TRPM3: variants seen among roughly 807,000 people sequenced by gnomAD.
TRPM3 encodes transient receptor potential cation channel subfamily M member 3.
TRPM3 carries 77 observed loss-of-function variants against 181.2 expected under a neutral mutation model. The ratio of observed to expected loss-of-function variants is 0.42; its 90% CI spans 0.35 to 0.51. The LOEUF (loss-of-function observed/expected upper bound fraction) is 0.51, where lower values mean the gene tolerates loss of function less well. TRPM3 is among the 20% of genes least tolerant of loss of function. The pLI is 0.01. For synonymous variants in TRPM3, 745 were observed against 796.4 expected, an observed-to-expected ratio of 0.94 and a Z score of 1.09; for missense variants, 1,759 against 2,196.7, an observed-to-expected ratio of 0.80 and a Z score of 3.98.
At chr9:70,795,620 G>A (rs559886745) in intron 6 of TRPM3, among the ~76,000 whole-genome samples, 149 of 152,232 alleles carry the variant, frequency 9.8e-4, no homozygotes, top group African/African-American at 3.4e-3. Flanking sequence ...ATCACGCCCC[G>A]AACGTCTTCC....
At chr9:71,058,091 T>G (rs2060874165) in intron 1 of TRPM3, among the ~76,000 whole-genome samples, 1 of 152,018 alleles carries the variant, frequency 6.6e-6, no homozygotes, top group African/African-American at 2.4e-5. Flanking sequence ...TGCTACCACT[T>G]CAGCAACAGA....
intron 6 of TRPM3, among the ~76,000 whole-genome samples, chr9:70,789,057 CTCTT>C (rs1045682302): frequency 6.6e-6 from 1 of 152,284 alleles, no homozygotes; most frequent in Non-Finnish European, 1.5e-5. Flanking sequence ...CTCCATTCTC[CTCTT>C]TCTTTCTTGT....
Position 70,681,201 on chromosome 9 carries a change from T to C in TRPM3, c.1345+305A>G, listed in dbSNP as rs150716080. Among the ~76,000 whole-genome samples, 361 of 152,270 alleles carry C rather than the reference T, an allele frequency of 2.4e-3. 1 individual carries two copies. The highest frequency in any genetic ancestry group is 8.4e-3 in the African/African-American group (350 of 41,556). ...AAAGTAGATAGGGTAAAAATTACTA[T>C]TAAATAACCTCAGATAACACTGCAT... On this transcript the variant is annotated intron_variant, in intron 9 of 25. Coordinates refer to ENST00000677713, the MANE Select transcript of TRPM3 (RefSeq NM_001366145.2).
chr9:71,140,040 G>C lies in TRPM3; in HGVS notation c.184-275529C>G, dbSNP rs115122755. ...CTGTTATTTGAGGAGGTGATACCTA[G>C]AGCTATAGCAATCATCTTGAAACCA... On this transcript the variant is annotated intron_variant, in intron 1 of 24. Transcript: ENST00000357533. 2.6e-3 allele frequency among the ~76,000 whole-genome samples: 389 copies of C among 152,194 alleles called. 2 individuals carry two copies. Among genetic ancestry groups the C allele is most frequent in the African/African-American group, 9.1e-3 (376 of 41,530 alleles).
chr9:71,413,275 TCATA>T (rs2131470606), intron 1 of TRPM3, among the ~76,000 whole-genome samples: 1 of 152,134 alleles, frequency 6.6e-6, no homozygotes, highest in East Asian at 1.9e-4. Context: ...AATTTATAAC[TCATA>T]TTTATTGAGT....
At chr9:71,165,808 T>C (rs1442599274) in intron 1 of TRPM3, among the ~76,000 whole-genome samples, 1 of 152,188 alleles carries the variant, frequency 6.6e-6, no homozygotes, top group Non-Finnish European at 1.5e-5. Flanking sequence ...GCTGGTTGAT[T>C]CCTAAGCCAG....
At chr9:71,145,957 C>CTTAT (rs2075380326) in intron 1 of TRPM3, among the ~76,000 whole-genome samples, 1 of 151,860 alleles carries the variant, frequency 6.6e-6, no homozygotes, top group African/African-American at 2.4e-5. Context: ...AATAATCTGC[C>CTTAT]TAATAGCATC....
At chr9:70,592,468 C>A (rs2058286748) in intron 21 of TRPM3, among the ~76,000 whole-genome samples, 1 of 152,174 alleles carries the variant, frequency 6.6e-6, no homozygotes, top group African/African-American at 2.4e-5. Flanking sequence ...AGAAAGTGAG[C>A]AAAGCTTGAC....
intron 22 of TRPM3, among the ~76,000 whole-genome samples, chr9:70,563,884 C>T (rs1181331287): frequency 3.3e-5 from 5 of 152,228 alleles, no homozygotes; most frequent in Admixed American, 6.5e-5. Flanking sequence ...TCACGCATGT[C>T]GTGCTCTGCT....
At chr9:70,618,802 G>C in intron 17 of TRPM3, 65 bp downstream of exon 17, 1 of 1,421,890 alleles carries the variant, frequency 7.0e-7, no homozygotes, top group East Asian at 2.3e-5. Context: ...GCAGATTTTG[G>C]CTGGGAAAAC....
At chr9:70,595,560 T>A (rs1055802005) in intron 21 of TRPM3, among the ~76,000 whole-genome samples, 1 of 152,194 alleles carries the variant, frequency 6.6e-6, no homozygotes, top group African/African-American at 2.4e-5. Context: ...GGCCTAATTT[T>A]ATAGCTATTA....
intron 1 of TRPM3, among the ~76,000 whole-genome samples, chr9:71,381,745 C>T (rs911249161): frequency 1.5e-4 from 23 of 152,040 alleles, no homozygotes; most frequent in African/African-American, 4.8e-4. Context: ...TATCTCAGAG[C>T]CCATACAATT....
chr9:71,153,242 T>C (rs1282930163), intron 1 of TRPM3, among the ~76,000 whole-genome samples: 1 of 152,084 alleles, frequency 6.6e-6, no homozygotes, highest in Non-Finnish European at 1.5e-5. Flanking sequence ...AAGCTCAGTG[T>C]ATATGTTGTC....
At chr9:71,377,536 T>C (rs985180982) in intron 1 of TRPM3, among the ~76,000 whole-genome samples, 10 of 152,126 alleles carry the variant, frequency 6.6e-5, no homozygotes, top group Non-Finnish European at 1.3e-4. Flanking sequence ...CAAATCACCA[T>C]GCCCACCTCT....
At chr9:71,389,762 T>C (rs749170989) in intron 1 of TRPM3, among the ~76,000 whole-genome samples, 37 of 152,108 alleles carry the variant, frequency 2.4e-4, no homozygotes, top group Non-Finnish European at 4.6e-4. Context: ...ATGTTCTCAC[T>C]GATATGTGGG....
intron 19 of TRPM3, among the ~76,000 whole-genome samples, chr9:70,605,391 T>C (rs2060867866): frequency 6.6e-6 from 1 of 152,188 alleles, no homozygotes; most frequent in Non-Finnish European, 1.5e-5. Context: ...AGATCACTTA[T>C]GAGAGCTGGA....
At chr9:71,196,291 TAGTATTGA>T (rs142020473) in intron 1 of TRPM3, among the ~76,000 whole-genome samples, 64,320 of 150,888 alleles carry the variant, frequency 0.43, 14,092 homozygotes, top group East Asian at 0.52. Flanking sequence ...TTATTTCTGA[TAGTATTGA>T]AGTTATGGCC....
intron 1 of TRPM3, among the ~76,000 whole-genome samples, chr9:71,247,811 A>T (rs111513420): frequency 0.023 from 3,430 of 152,292 alleles, 56 homozygotes; most frequent in South Asian, 0.039. Flanking sequence ...CCAGGCAGAA[A>T]TATGAGATCC....
chr9:70,675,468 A>G (rs1419391562), intron 9 of TRPM3, among the ~76,000 whole-genome samples: 1 of 152,224 alleles, frequency 6.6e-6, no homozygotes, highest in African/African-American at 2.4e-5. Context: ...TTCTCCATGT[A>G]TCTATAAGTA....
Sources: gnomAD v4.1 joint callset for allele counts (sites outside exome capture counted in the v4.1 genomes callset) on GRCh38, gnomAD v4.1.1 for gene constraint, MANE v1.5 for transcripts, NCBI Gene and HGNC (gene_info 2026-07-23, HGNC 2026-07-21) for gene names.